TOPBP1: variants seen among roughly 807,000 people sequenced by gnomAD.
TOPBP1 encodes the protein DNA topoisomerase 2-binding protein 1.
TOPBP1 carries 28 observed loss-of-function variants against 167.7 expected under a neutral mutation model. The observed-to-expected ratio is 0.17, with a 90% confidence interval of 0.12 to 0.23. The LOEUF is 0.23. Ranked by LOEUF, TOPBP1 falls within the 10% of genes least tolerant of loss-of-function variation. The pLI is 1.00. For synonymous variants in TOPBP1, 598 were observed against 611.4 expected (o/e 0.98, Z 0.32); for missense variants, 1,554 against 1,809.6 (o/e 0.86, Z 2.56).
chr3:133,661,241 C>T, intron 1 of TOPBP1, 107 bp from the exon 2 acceptor site: 1 of 751,276 alleles, frequency 1.3e-6, no homozygotes, highest in East Asian at 3.2e-5. Context: ...TAAAGACAGA[C>T]ATTCTGGCTC....
chr3:133,649,533 T>C lies in TOPBP1; in HGVS notation c.1354A>G (p.Ile452Val), dbSNP rs1250369453. ...YIHANYQPVE[I>V]PVSHKPESKA... ...CTTTCAGGCTTATGTGAAACTGGAATTTCCACTGGCTGGTAATTAGCATGG... is the reference window on the plus strand; with the variant it reads ...CTTTCAGGCTTATGTGAAACTGGAACTTCCACTGGCTGGTAATTAGCATGG... The change falls in exon 10 of 28, where the codon ATT (isoleucine) becomes GTT (valine). Residue 452 changes from isoleucine to valine, a missense_variant. Ile to Val is a conservative substitution (Grantham distance 29). Coordinates refer to ENST00000260810, the MANE Select transcript of TOPBP1 (RefSeq NM_007027.4). 1 of 1,613,946 alleles carries C rather than the reference T, an allele frequency of 6.2e-7. No individual in the cohort carries two copies. Among genetic ancestry groups the C allele is most frequent in the Admixed American group, 1.7e-5 (1 of 60,032 alleles).
chr3:133,618,496 TAA>T (rs2107780574), intron 20 of TOPBP1, 63 bp from the exon 21 acceptor site: 1 of 1,508,362 alleles, frequency 6.6e-7, no homozygotes, highest in African/African-American at 1.4e-5. Flanking sequence ...ATTAAATCCA[TAA>T]GTTAGACCAT....
rs376541534 is a variant in TOPBP1 at position 133,644,572 on chromosome 3, A to G, written c.1505-209T>C. Among the ~76,000 whole-genome samples the G allele has an allele frequency of 5.4e-4, 82 of 152,384 alleles. 1 individual carries two copies. The highest frequency in any genetic ancestry group is 3.4e-3 in the Middle Eastern group (1 of 294). On this transcript the variant is annotated intron_variant, in intron 10 of 27. Coordinates refer to ENST00000260810, the MANE Select transcript of TOPBP1 (RefSeq NM_007027.4). ...GTATTACCATCATCCATTGGGAAGG[A>G]CAAGAGCAATCATGTTAGTTCTAGG...
intron 16 of TOPBP1, among the ~76,000 whole-genome samples, chr3:133,625,573 A>C (rs946595477): frequency 2.0e-5 from 3 of 152,030 alleles, no homozygotes; most frequent in Non-Finnish European, 4.4e-5. Context: ...CTCTTCTAAA[A>C]ATACAAAATT....
chr3:133,613,737 A>G (rs1934760523), intron 23 of TOPBP1, among the ~76,000 whole-genome samples: 1 of 151,980 alleles, frequency 6.6e-6, no homozygotes, highest in South Asian at 2.1e-4. Context: ...TTTATAGCTT[A>G]GAGGTTAACT....
chr3:133,642,692 ATTCT>A (rs1559825791), intron 12 of TOPBP1, among the ~76,000 whole-genome samples: 1 of 152,124 alleles, frequency 6.6e-6, no homozygotes, highest in Non-Finnish European at 1.5e-5. Context: ...CAATGCCTAG[ATTCT>A]TTCATTCATT....
chr3:133,659,775 T>TAC (rs1416044018), intron 2 of TOPBP1, among the ~76,000 whole-genome samples: 1 of 151,990 alleles, frequency 6.6e-6, no homozygotes, highest in Non-Finnish European at 1.5e-5. Flanking sequence ...TATATATATA[T>TAC]ATAGTTTTTG....
intron 16 of TOPBP1, 31 bp from the exon 17 acceptor site, chr3:133,624,206 C>A (rs11715407): frequency 0.18 from 283,131 of 1,601,840 alleles, 27,740 homozygotes; most frequent in Non-Finnish European, 0.2. Flanking sequence ...AAACAAATAA[C>A]CAAGAGAAAC....
chr3:133,649,743 G>A, intron 9 of TOPBP1, 37 bp downstream of exon 9: 4 of 1,583,490 alleles, frequency 2.5e-6, no homozygotes, highest in Non-Finnish European at 3.4e-6. Context: ...GAAAAATTAT[G>A]TAGTAGAAAT....
Position 133,659,209 on chromosome 3 carries a change from A to G in TOPBP1, c.85-59T>C, listed in dbSNP as rs7618605. ...AATTACTCTCCTGTATTTAGGTCCTATTCAAATTCCATCTCAAATCCAGCC... is the reference window on the plus strand; with the variant it reads ...AATTACTCTCCTGTATTTAGGTCCTGTTCAAATTCCATCTCAAATCCAGCC... On this transcript the variant is annotated intron_variant, in intron 2 of 27. Transcript: ENST00000260810. 3.0e-3 allele frequency: 4,362 copies of G among 1,444,334 alleles called. 125 individuals are homozygous for G. The African/African-American group carries it at 0.053, about 18-fold the overall frequency. 89.5% of individuals were successfully genotyped at this position (1,444,334 alleles called of 1,614,324 possible).
In TOPBP1 at chr3:133,644,145, T is replaced by C. The variant is rs756767191; in HGVS notation, c.1723A>G (p.Ile575Val). 27 of 1,613,860 alleles carry C rather than the reference T, an allele frequency of 1.7e-5. No homozygotes were observed. The highest frequency in any genetic ancestry group is 2.7e-5 in the African/African-American group (2 of 74,938). Residue 575 changes from isoleucine (I) to valine (V), a missense_variant, in exon 11 of 28, where the codon ATA becomes GTA. By Grantham distance (29) the Ile-to-Val change is conservative. This residue lies in a region of TOPBP1 where 1,197 missense variants were observed against 1,351.5 expected (regional missense o/e 0.89). Coordinates refer to ENST00000260810, the MANE Select transcript of TOPBP1 (RefSeq NM_007027.4). ...ATGATTTTCCCAGCATTTTCTTTTA[T>C]GATGTTTGCGATGTTAGATTCATTT... Reference protein sequence around the residue: ...NENESNIANIIKENAGKIMSL... With the variant: ...NENESNIANIVKENAGKIMSL...
chr3:133,621,380 T>G (rs899183890), intron 19 of TOPBP1, among the ~76,000 whole-genome samples: 2 of 152,094 alleles, frequency 1.3e-5, no homozygotes, highest in African/African-American at 4.8e-5. Context: ...CGGTTCTGCA[T>G]GCATGGATTC....
In TOPBP1 at chr3:133,601,132, C is replaced by G; in HGVS notation, c.*118G>C. On this transcript the variant is annotated 3_prime_UTR_variant, in exon 28 of 28. Coordinates refer to ENST00000260810, the MANE Select transcript of TOPBP1 (RefSeq NM_007027.4). ...ACTCAAGAAGGGTCATCATTATACT[C>G]TGAAGCAGAATTCTTCAGGTACTCA... 1 of 836,116 alleles carries G rather than the reference C, an allele frequency of 1.2e-6. No individual in the cohort carries two copies. The allele number at this position is 836,116 out of a possible 1,614,324, so 51.8% of individuals were successfully genotyped here.
intron 21 of TOPBP1, 73 bp downstream of exon 21, chr3:133,618,140 T>C (rs778992410): frequency 3.1e-6 from 4 of 1,288,132 alleles, no homozygotes; most frequent in Admixed American, 3.8e-5. Context: ...AACTACAACA[T>C]GCTCATCTGT....
At chr3:133,623,913 G>T in intron 17 of TOPBP1, 139 bp downstream of exon 17, 2 of 1,052,538 alleles carry the variant, frequency 1.9e-6, no homozygotes, top group Non-Finnish European at 2.6e-6. Context: ...CCAAAGATCT[G>T]AAATGTGTAC....
chr3:133,637,315 C>T (rs1244265343), intron 14 of TOPBP1, among the ~76,000 whole-genome samples: 2 of 151,948 alleles, frequency 1.3e-5, no homozygotes, highest in Non-Finnish European at 2.9e-5. Flanking sequence ...TACATTAGCC[C>T]CTGATTTACA....
At chr3:133,604,039 C>T (rs537858136) in intron 27 of TOPBP1, among the ~76,000 whole-genome samples, 24 of 151,800 alleles carry the variant, frequency 1.6e-4, no homozygotes, top group Admixed American at 9.2e-4. Flanking sequence ...AAAAAAAAAT[C>T]CTCTTATATT....
At position 133,640,036 on chromosome 3, in the gene TOPBP1, G is replaced by T. The variant is rs753592840; in HGVS notation, c.2156C>A (p.Ala719Asp). The T allele has an allele frequency of 4.3e-6, 7 of 1,613,884 alleles. No individual in the cohort carries two copies. Among genetic ancestry groups the T allele is most frequent in the Non-Finnish European group, 4.2e-6 (5 of 1,179,854 alleles). The change falls in exon 13 of 28, where the codon GCT becomes GAT. Residue 719 changes from alanine (A) to aspartate (D), a missense_variant. This residue lies in a region of TOPBP1 where 1,197 missense variants were observed against 1,351.5 expected (regional missense o/e 0.89). Transcript: ENST00000260810. Reference sequence around the variant, plus strand: ...CGTTCTAGCAGTCTCCAACAGCCAAGCTATAGTAACGGCAGGTAAATTCCA... The same window carrying T: ...CGTTCTAGCAGTCTCCAACAGCCAATCTATAGTAACGGCAGGTAAATTCCA... ...KKWNLPAVTI[A>D]WLLETARTGK...
intron 16 of TOPBP1, among the ~76,000 whole-genome samples, chr3:133,624,999 C>CTCTG (rs564544945): frequency 5.9e-5 from 9 of 152,212 alleles, no homozygotes; most frequent in Admixed American, 1.3e-4. Flanking sequence ...CAGAGTCTCA[C>CTCTG]TCTGTCACCC....
Sources: gnomAD v4.1 joint callset for allele counts (sites outside exome capture counted in the v4.1 genomes callset) on GRCh38, gnomAD v4.1.1 for gene constraint, gnomAD v4.1.1 regional missense constraint, MANE v1.5 for transcripts, NCBI Gene and HGNC (gene_info 2026-07-23, HGNC 2026-07-21) for gene names.